Variants in SLIT3 observed in about 807,000 individuals in gnomAD.
The protein encoded by SLIT3 is slit guidance ligand 3.
Under a neutral mutation model 184.0 loss-of-function variants are expected in SLIT3, and 68 were observed. The observed-to-expected ratio is 0.37, with a 90% CI of 0.30 to 0.45. The LOEUF (loss-of-function observed/expected upper bound fraction) is 0.45. Ranked by LOEUF, SLIT3 falls within the 20% of genes least tolerant of loss-of-function variation. SLIT3 has a pLI of 1.00. For missense variants in SLIT3, 1,707 were observed against 2,026.0 expected (o/e 0.84, Z 3.02); for synonymous variants, 831 against 828.6 (o/e 1.00, Z -0.05).
chr5:168,700,518 A>G, intron 27 of SLIT3, 64 bp downstream of exon 27: 1 of 1,117,806 alleles, frequency 8.9e-7, no homozygotes, highest in East Asian at 2.4e-5. Context: ...AGTCTTGGGT[A>G]TGTCTTTATT....
At chr5:169,007,835 A>T (rs1755990484) in intron 4 of SLIT3, among the ~76,000 whole-genome samples, 1 of 152,196 alleles carries the variant, frequency 6.6e-6, no homozygotes, top group Admixed American at 6.5e-5. Flanking sequence ...TTGCTGAAGC[A>T]CTCAGGGCCA....
At chr5:168,893,290 C>T (rs1221657014) in intron 4 of SLIT3, among the ~76,000 whole-genome samples, 1 of 152,088 alleles carries the variant, frequency 6.6e-6, no homozygotes, top group Non-Finnish European at 1.5e-5. Flanking sequence ...TGTGTGTCTG[C>T]CCAGTGGGGT....
At chr5:169,014,290 C>G (rs1486528441) in intron 4 of SLIT3, among the ~76,000 whole-genome samples, 2 of 152,178 alleles carry the variant, frequency 1.3e-5, no homozygotes, top group African/African-American at 4.8e-5. Flanking sequence ...CTTATTCTCT[C>G]TCTCCAGCTA....
chr5:168,860,036 C>G (rs1279623289), intron 5 of SLIT3, among the ~76,000 whole-genome samples: 1 of 152,168 alleles, frequency 6.6e-6, no homozygotes, highest in Non-Finnish European at 1.5e-5. Flanking sequence ...AGGTTATTAA[C>G]AAAATCAGAG....
chr5:168,893,565 A>G (rs1200234696), intron 4 of SLIT3, among the ~76,000 whole-genome samples: 2 of 152,142 alleles, frequency 1.3e-5, no homozygotes, highest in African/African-American at 4.8e-5. Context: ...CTTTGGCCCG[A>G]AAGCTGGAGC....
In SLIT3 at chr5:169,229,782, A is replaced by G. The variant is rs79573051; in HGVS notation, c.341+14923T>C. 7.3e-3 allele frequency among the ~76,000 whole-genome samples: 1,117 copies of G among 152,242 alleles called. 9 individuals are homozygous for G. The highest frequency in any genetic ancestry group is 0.023 in the African/African-American group (951 of 41,540). Reference sequence around the variant, plus strand: ...TGAAGCACTTCATATAGGTAATCTCATAAGAGCCTCATAAAGTGGGTTAAT... The same window carrying G: ...TGAAGCACTTCATATAGGTAATCTCGTAAGAGCCTCATAAAGTGGGTTAAT... On this transcript the variant is annotated intron_variant, in intron 3 of 35. Transcript: ENST00000519560.
chr5:168,819,918 C>T (rs750735832), intron 7 of SLIT3, among the ~76,000 whole-genome samples: 2 of 152,120 alleles, frequency 1.3e-5, no homozygotes, highest in African/African-American at 4.8e-5. Context: ...AGAGGGCTCT[C>T]GTCAAAAGCC....
chr5:169,003,340 A>C (rs1755786966), intron 4 of SLIT3, among the ~76,000 whole-genome samples: 1 of 152,208 alleles, frequency 6.6e-6, no homozygotes, highest in South Asian at 2.1e-4. Flanking sequence ...CCCAAAGCTC[A>C]TGTGGCCTTG....
intron 28 of SLIT3, among the ~76,000 whole-genome samples, chr5:168,695,066 G>A (rs915099140): frequency 4.6e-5 from 7 of 152,176 alleles, no homozygotes; most frequent in Non-Finnish European, 8.8e-5. Context: ...ACTGTCTATG[G>A]GCTGGAGGCT....
intron 1 of SLIT3, among the ~76,000 whole-genome samples, chr5:169,297,991 C>T (rs1767564102): frequency 6.6e-6 from 1 of 152,132 alleles, no homozygotes; most frequent in Non-Finnish European, 1.5e-5. Context: ...GCCAAATATC[C>T]CCCAAGAGTT....
intron 4 of SLIT3, among the ~76,000 whole-genome samples, chr5:169,122,759 A>G (rs1419120320): frequency 1.3e-5 from 2 of 152,174 alleles, no homozygotes; most frequent in South Asian, 4.1e-4. Context: ...GTCAATGTCT[A>G]TGACCGACCT....
chr5:169,082,514 C>T (rs1759109087), intron 4 of SLIT3, among the ~76,000 whole-genome samples: 1 of 152,220 alleles, frequency 6.6e-6, no homozygotes, highest in South Asian at 2.1e-4. Flanking sequence ...TGTCTATTTA[C>T]TCTCTGATTC....
rs375132018 is a variant in SLIT3, at chr5:168,768,331, G to A, written c.1459+4450C>T. On this transcript the variant is annotated intron_variant, in intron 14 of 35. Coordinates refer to ENST00000519560, the MANE Select transcript of SLIT3 (RefSeq NM_003062.4). ...GAAGCAGCGTGGAGAAGCGGAAGCC[G>A]GAGCAGGCCCCCACTGAGCGTGATT... The A allele has an allele frequency of 7.1e-5, 33 of 464,050 alleles. 1 individual carries two copies. Among genetic ancestry groups the A allele is most frequent in the Admixed American group, 4.0e-4 (17 of 42,688 alleles). The allele number at this position is 464,050 out of a possible 1,614,324, so 28.7% of individuals were successfully genotyped here.
At chr5:169,076,017 G>A (rs941113260) in intron 4 of SLIT3, among the ~76,000 whole-genome samples, 18 of 152,228 alleles carry the variant, frequency 1.2e-4, no homozygotes. Context: ...GTGGTGAGAG[G>A]TGTTAAGGGA....
At chr5:168,692,437 C>G (rs775930464) in intron 29 of SLIT3, among the ~76,000 whole-genome samples, 170 bp downstream of exon 29, 6 of 152,098 alleles carry the variant, frequency 3.9e-5, no homozygotes, top group Admixed American at 2.0e-4. Context: ...GACAGAGGCA[C>G]GCATAGGGAA....
intron 32 of SLIT3, among the ~76,000 whole-genome samples, chr5:168,681,908 G>T (rs925059533): frequency 6.6e-6 from 1 of 152,202 alleles, no homozygotes; most frequent in South Asian, 2.1e-4. Context: ...CTCAGTGACT[G>T]CCCTAAGAGG....
At chr5:169,157,079 A>G (rs945258407) in intron 4 of SLIT3, among the ~76,000 whole-genome samples, 1 of 152,184 alleles carries the variant, frequency 6.6e-6, no homozygotes, top group Non-Finnish European at 1.5e-5. Flanking sequence ...GGGAGCCTAG[A>G]CAAAGTACCC....
chr5:168,755,272 C>A (rs1271335482), intron 16 of SLIT3, among the ~76,000 whole-genome samples: 1 of 152,090 alleles, frequency 6.6e-6, no homozygotes, highest in Non-Finnish European at 1.5e-5. Context: ...TGAACCTCTT[C>A]TTTCATAAGT....
At chr5:168,866,301 A>C (rs1038879666) in intron 5 of SLIT3, among the ~76,000 whole-genome samples, 1 of 152,202 alleles carries the variant, frequency 6.6e-6, no homozygotes, top group Non-Finnish European at 1.5e-5. Flanking sequence ...TTGGAGAAAA[A>C]GTCTCAAAGT....
Sources: allele counts gnomAD v4.1 joint callset (sites outside exome capture counted in the v4.1 genomes callset), GRCh38; gene constraint gnomAD v4.1.1; transcripts MANE v1.5; gene names NCBI Gene and HGNC (gene_info 2026-07-23, HGNC 2026-07-21).